The following CNPY3 variants were observed in gnomAD, a reference collection of about 807,000 sequenced individuals.
The protein encoded by CNPY3 is canopy FGF signaling regulator 3.
CNPY3 carries 20 observed loss-of-function variants against 32.0 expected under a neutral mutation model. The observed-to-expected ratio is 0.63, with a 90% CI of 0.44 to 0.91. The LOEUF (loss-of-function observed/expected upper bound fraction) is 0.91. Ranked by LOEUF, CNPY3 falls within the 40% of genes least tolerant of loss-of-function variation. The probability of loss-of-function intolerance (pLI) is 0.00; values close to 1 mark genes in which losing one functional copy is unlikely to be tolerated. For synonymous variants in CNPY3, 138 were observed against 142.9 expected, an observed-to-expected ratio of 0.97 and a Z score of 0.24; for missense variants, 299 against 340.8, an observed-to-expected ratio of 0.88 and a Z score of 0.97.
chr6:42,935,677 T>G lies in CNPY3; in HGVS notation c.372+7T>G. 1 of 1,607,006 alleles carries G rather than the reference T, an allele frequency of 6.2e-7. No homozygotes were observed. The highest frequency in any genetic ancestry group is 8.5e-7 in the Non-Finnish European group (1 of 1,174,428). On this transcript the variant is annotated splice_region_variant and intron_variant, in intron 3 of 5. Transcript: ENST00000372836. Reference sequence around the variant, plus strand: ...CAGCAATCGATTTGCCAAGGTTGGATTCGGGATTGTCCTTCATCCGCTCTG... The same window carrying G: ...CAGCAATCGATTTGCCAAGGTTGGAGTCGGGATTGTCCTTCATCCGCTCTG...
Position 42,929,495 on chromosome 6 carries a change from G to C in CNPY3, c.-76G>C, listed in dbSNP as rs964026180. The C allele has an allele frequency of 1.6e-4, 229 of 1,446,228 alleles. No individual in the cohort carries two copies. Among genetic ancestry groups the C allele is most frequent in the Non-Finnish European group, 2.0e-4 (219 of 1,085,662 alleles). The allele number at this position is 1,446,228 out of a possible 1,614,324, so 89.6% of individuals were successfully genotyped here. ...AGGCACGTGTGCAGTCCCGGAAGCG[G>C]CGAGGGGAAACTGCTCCGCGCGCGC... On this transcript the variant is annotated 5_prime_UTR_variant, in exon 1 of 6. Coordinates refer to ENST00000372836, the MANE Select transcript of CNPY3 (RefSeq NM_006586.5).
At chr6:42,929,830 C>T in intron 1 of CNPY3, 109 bp downstream of exon 1, 2 of 1,291,572 alleles carry the variant, frequency 1.5e-6, no homozygotes, top group Non-Finnish European at 2.1e-6. Context: ...TGCAGGGTGT[C>T]TTCCTTCCTT....
At chr6:42,934,667 T>A (rs1054583277) in intron 2 of CNPY3, 69 bp downstream of exon 2, 2 of 1,597,684 alleles carry the variant, frequency 1.3e-6, no homozygotes, top group Non-Finnish European at 1.7e-6. Flanking sequence ...TGGAGTTCCC[T>A]TCTCCTAGCT....
Position 42,929,576 on chromosome 6 carries a change from T to C in CNPY3, c.6T>C (p.Asp2=), listed in dbSNP as rs566176543. Reference sequence around the variant, plus strand: ...GGTCCGGGCCCGGCCGGGCCATGGATTCAATGCCTGAGCCCGCGTCCCGCT... The same window carrying C: ...GGTCCGGGCCCGGCCGGGCCATGGACTCAATGCCTGAGCCCGCGTCCCGCT... M[D]SMPEPASRCL... The change falls in exon 1 of 6, where the codon GAT becomes GAC. Residue 2 remains aspartate (D), a synonymous_variant. Coordinates refer to ENST00000372836, the MANE Select transcript of CNPY3 (RefSeq NM_006586.5). 1.3e-6 allele frequency: 2 copies of C among 1,577,130 alleles called. No individual in the cohort carries two copies. The highest frequency in any genetic ancestry group is 2.3e-5 in the East Asian group (1 of 43,658).
intron 1 of CNPY3, among the ~76,000 whole-genome samples, chr6:42,933,567 A>G (rs191164887): frequency 2.2e-4 from 34 of 152,326 alleles, no homozygotes; most frequent in African/African-American, 7.0e-4. Flanking sequence ...TTTGGGGACA[A>G]TTAAGGAAAT....
Position 42,937,706 on chromosome 6 carries a change from G to T in CNPY3, c.373-11G>T, listed in dbSNP as rs1490066539. ...GGAGCTCCGCCTGCCATATCTGGTC[G>T]CTTCTTCCAGGGCATGTCAGAGACC... On this transcript the variant is annotated splice_polypyrimidine_tract_variant and intron_variant, in intron 3 of 5. Coordinates refer to ENST00000372836, the MANE Select transcript of CNPY3 (RefSeq NM_006586.5). The T allele has an allele frequency of 6.2e-7, 1 of 1,613,668 alleles. No individual in the cohort carries two copies. Among genetic ancestry groups the T allele is most frequent in the Non-Finnish European group, 8.5e-7 (1 of 1,179,846 alleles).
At chr6:42,935,392 C>G (rs377155164) in intron 2 of CNPY3, 182 bp from the exon 3 acceptor site, 2 of 984,920 alleles carry the variant, frequency 2.0e-6, no homozygotes, top group South Asian at 4.7e-5. Context: ...AAAATTTTGT[C>G]TCTCTGGTCT....
chr6:42,938,665 C>T lies in CNPY3; in HGVS notation c.711C>T (p.Gly237=), dbSNP rs200953616. Residue 237 remains glycine, a synonymous_variant, in exon 6 of 6, where the codon GGC becomes GGT. Coordinates refer to ENST00000372836, the MANE Select transcript of CNPY3 (RefSeq NM_006586.5). ...AGAGCAGCAGGGCCAAGGCAGCAGG[C>T]GGCAGGAGTAGCAGCAGCAAACAAA... ...KKKSSRAKAA[G]GRSSSSKQRK... The T allele has an allele frequency of 1.3e-4, 204 of 1,613,372 alleles. No homozygotes were observed. Among genetic ancestry groups the T allele is most frequent in the Middle Eastern group, 1.7e-4 (1 of 6,052 alleles).
chr6:42,935,798 T>C, intron 3 of CNPY3, 128 bp downstream of exon 3: 2 of 1,089,802 alleles, frequency 1.8e-6, no homozygotes, highest in East Asian at 5.3e-5. Flanking sequence ...TTCCCATTCT[T>C]TGATTGCCGT....
At chr6:42,934,659 G>A in intron 2 of CNPY3, 61 bp downstream of exon 2, 1 of 1,603,682 alleles carries the variant, frequency 6.2e-7, no homozygotes, top group East Asian at 2.2e-5. Context: ...CAGGGGTTTG[G>A]AGTTCCCTTC....
At chr6:42,929,335 C>T, upstream of CNPY3, 1 of 551,036 alleles carries the variant, frequency 1.8e-6, no homozygotes, top group South Asian at 2.5e-5. Flanking sequence ...AAAAGATAGT[C>T]TTCCCATTAG....
In CNPY3 at chr6:42,938,737, TGAGGGCATCCA is replaced by T. The variant is rs1431683956; in HGVS notation, c.786_796del (p.Gln265ProfsTer8). On this transcript the variant is annotated frameshift_variant, in exon 6 of 6. Coordinates refer to ENST00000372836, the MANE Select transcript of CNPY3 (RefSeq NM_006586.5). LOFTEE classifies it high-confidence loss of function. Reference sequence around the variant, plus strand: ...AGGGAGACCCCAGCCCCGAGGAGGATGAGGGCATCCAGAAGGCATCCCCTCTCACACACAGC... The same window carrying T: ...AGGGAGACCCCAGCCCCGAGGAGGATGAAGGCATCCCCTCTCACACACAGC... The T allele has an allele frequency of 6.2e-7, 1 of 1,613,746 alleles. No homozygotes were observed. Among genetic ancestry groups the T allele is most frequent in the Non-Finnish European group, 8.5e-7 (1 of 1,179,880 alleles).
intron 5 of CNPY3, 103 bp downstream of exon 5, chr6:42,938,310 TAGG>T: frequency 1.1e-6 from 1 of 930,364 alleles, no homozygotes; most frequent in Admixed American, 1.7e-5. Context: ...GAGGGCATTG[TAGG>T]ATCTCTGCCC....
intron 1 of CNPY3, among the ~76,000 whole-genome samples, chr6:42,931,727 TTATTA>T (rs1767836897): frequency 6.6e-6 from 1 of 151,552 alleles, no homozygotes; most frequent in African/African-American, 2.4e-5. Flanking sequence ...ATTATTATTA[TTATTA>T]TTTTTTTTTG....
intron 1 of CNPY3, among the ~76,000 whole-genome samples, chr6:42,932,394 G>A (rs1217542619): frequency 6.6e-6 from 1 of 152,182 alleles, no homozygotes; most frequent in Non-Finnish European, 1.5e-5. Context: ...TCGGCACAGA[G>A]GAAGGAGAAC....
chr6:42,938,221 A>G lies in CNPY3; in HGVS notation c.613+14A>G, dbSNP rs1342965640. Reference sequence around the variant, plus strand: ...GAAAAGACACCAGTGAGTTTGGGGAAGCAAGGGCAGGCTGGCTCTGGATGA... The same window carrying G: ...GAAAAGACACCAGTGAGTTTGGGGAGGCAAGGGCAGGCTGGCTCTGGATGA... On this transcript the variant is annotated intron_variant, in intron 5 of 5. Transcript: ENST00000372836. 4 of 1,589,856 alleles carry G rather than the reference A, an allele frequency of 2.5e-6. No individual in the cohort carries two copies. Among genetic ancestry groups the G allele is most frequent in the African/African-American group, 1.3e-5 (1 of 74,510 alleles).
chr6:42,929,430 G>C, upstream of CNPY3: 1 of 897,478 alleles, frequency 1.1e-6, no homozygotes, highest in Non-Finnish European at 1.6e-6. Context: ...GCTGCGAGAG[G>C]AGGGCGGGCG....
chr6:42,936,795 C>T (rs1202730485), intron 3 of CNPY3, among the ~76,000 whole-genome samples: 1 of 152,174 alleles, frequency 6.6e-6, no homozygotes, highest in Non-Finnish European at 1.5e-5. Context: ...CTTGGCCTCT[C>T]AAAGTGCTGG....
At chr6:42,931,714 CTTATTA>C (rs550967975) in intron 1 of CNPY3, among the ~76,000 whole-genome samples, 3 of 151,378 alleles carry the variant, frequency 2.0e-5, no homozygotes, top group East Asian at 1.9e-4. Context: ...TCTTTTCTGT[CTTATTA>C]TTATTATTAT....
Sources: gnomAD v4.1 joint callset for allele counts (sites outside exome capture counted in the v4.1 genomes callset) on GRCh38, gnomAD v4.1.1 for gene constraint, MANE v1.5 for transcripts, NCBI Gene and HGNC (gene_info 2026-07-23, HGNC 2026-07-21) for gene names.